PM20D2: variants seen among roughly 807,000 people sequenced by gnomAD.
PM20D2 encodes xaa-Arg dipeptidase.
A neutral mutation model predicts 42.9 loss-of-function variants in PM20D2; 33 were observed. The ratio of observed to expected loss-of-function variants is 0.77; its 90% CI spans 0.58 to 1.03. The LOEUF (loss-of-function observed/expected upper bound fraction) is 1.03. Ranked by LOEUF, PM20D2 falls within the 50% of genes least tolerant of loss-of-function variation. The pLI is 0.00. For missense variants in PM20D2, 548 were observed against 557.0 expected (o/e 0.98, Z 0.16); for synonymous variants, 250 against 228.2 (o/e 1.10, Z -0.86).
In PM20D2 at chr6:89,146,263, C is replaced by T. The variant is rs1362586960; in HGVS notation, c.119C>T (p.Ala40Val). The T allele has an allele frequency of 1.3e-6, 2 of 1,580,072 alleles. No individual in the cohort carries two copies. The highest frequency in any genetic ancestry group is 1.7e-6 in the Non-Finnish European group (2 of 1,171,206). Residue 40 changes from alanine to valine, a missense_variant, in exon 1 of 7, where the codon GCC becomes GTC. Coordinates refer to ENST00000275072, the MANE Select transcript of PM20D2 (RefSeq NM_001010853.3). The part of the protein sequence containing the change: ...CIDEAAERLG[A>V]LSRAIWSQPE... ...GACGAGGCGGCCGAGCGGCTGGGGGCCCTGAGCCGCGCGATCTGGAGCCAG... is the reference window on the plus strand; with the variant it reads ...GACGAGGCGGCCGAGCGGCTGGGGGTCCTGAGCCGCGCGATCTGGAGCCAG...
intron 2 of PM20D2, among the ~76,000 whole-genome samples, chr6:89,150,493 C>G (rs535856369): frequency 6.7e-6 from 1 of 149,444 alleles, no homozygotes; most frequent in African/African-American, 2.5e-5. Flanking sequence ...CAGACCTTCT[C>G]CTAGTATCTG....
At chr6:89,117,681 CTCCCCA>C in the PM20D2 span, 1 of 781,946 alleles carries the variant, frequency 1.3e-6, no homozygotes, top group Non-Finnish European at 1.8e-6. Context: ...GGGCTCACAC[CTCCCCA>C]AGTGGCGCAG....
the PM20D2 span, among the ~76,000 whole-genome samples, chr6:89,119,664 C>T: frequency 6.6e-6 from 1 of 152,194 alleles, no homozygotes; most frequent in Non-Finnish European, 1.5e-5. Flanking sequence ...CAGGTGTCCG[C>T]AGGGCCATCA....
rs371756808 is a variant in PM20D2 at position 89,151,373 on chromosome 6, G to A, written c.615-1670G>A. Reference sequence around the variant, plus strand: ...GCCTCCCATGGACCTGGAATTACAGGCAAGCACCACCACACCCAGCTAATT... The same window carrying A: ...GCCTCCCATGGACCTGGAATTACAGACAAGCACCACCACACCCAGCTAATT... On this transcript the variant is annotated intron_variant, in intron 2 of 6. Coordinates refer to ENST00000275072, the MANE Select transcript of PM20D2 (RefSeq NM_001010853.3). Among the ~76,000 whole-genome samples the A allele has an allele frequency of 7.9e-5, 12 of 151,998 alleles. 1 individual carries two copies. The highest frequency in any genetic ancestry group is 3.9e-4 in the Admixed American group (6 of 15,274).
intron 5 of PM20D2, among the ~76,000 whole-genome samples, chr6:89,160,327 A>G (rs574525063): frequency 1.7e-3 from 258 of 152,350 alleles, no homozygotes; most frequent in Non-Finnish European, 2.4e-3. Flanking sequence ...TTTAATACCC[A>G]TAAGCCTTGG....
At chr6:89,134,433 T>G in the PM20D2 span, among the ~76,000 whole-genome samples, 1 of 151,230 alleles carries the variant, frequency 6.6e-6, no homozygotes, top group Admixed American at 6.5e-5. Flanking sequence ...CCCACCATCC[T>G]GACTGAACCC....
chr6:89,125,352 C>T, the PM20D2 span, among the ~76,000 whole-genome samples: 10 of 152,014 alleles, frequency 6.6e-5, no homozygotes, highest in African/African-American at 1.7e-4. Context: ...TGGTGGCAGG[C>T]GCCTGTAGTC....
At chr6:89,100,202 A>C in the PM20D2 span, among the ~76,000 whole-genome samples, 1 of 152,170 alleles carries the variant, frequency 6.6e-6, no homozygotes, top group African/African-American at 2.4e-5. Flanking sequence ...ACCAGCAAAA[A>C]ACCGGAATTC....
the PM20D2 span, among the ~76,000 whole-genome samples, chr6:89,114,574 A>G: frequency 6.6e-6 from 1 of 151,966 alleles, no homozygotes; most frequent in Non-Finnish European, 1.5e-5. Flanking sequence ...ATAATCTTGT[A>G]GATTTTGATT....
rs1298146979 is a variant in PM20D2 at position 89,162,090 on chromosome 6, T to C, written c.1157-19T>C. The C allele has an allele frequency of 1.9e-6, 3 of 1,592,876 alleles. No individual in the cohort carries two copies. The highest frequency in any genetic ancestry group is 2.6e-6 in the Non-Finnish European group (3 of 1,172,588). ...AGCTTAAATAAGTAAGGAGGTATTT[T>C]ATTTTCTCTACCTTTTAGGGTCACA... On this transcript the variant is annotated intron_variant, in intron 6 of 6. Coordinates refer to ENST00000275072, the MANE Select transcript of PM20D2 (RefSeq NM_001010853.3).
At chr6:89,105,181 T>C in the PM20D2 span, 1 of 1,612,624 alleles carries the variant, frequency 6.2e-7, no homozygotes, top group Non-Finnish European at 8.5e-7. Context: ...TTCGAGTTCT[T>C]CTTTGGCTGG....
intron 2 of PM20D2, among the ~76,000 whole-genome samples, chr6:89,150,421 A>C (rs1268442374): frequency 2.7e-5 from 4 of 150,056 alleles, no homozygotes; most frequent in Admixed American, 2.7e-4. Flanking sequence ...GCAGCTCATT[A>C]CCCTTCTGGG....
the PM20D2 span, among the ~76,000 whole-genome samples, chr6:89,100,303 C>T: frequency 6.6e-6 from 1 of 152,142 alleles, no homozygotes; most frequent in Non-Finnish European, 1.5e-5. Context: ...CAATGAGGAA[C>T]ATTAGGTAAC....
the PM20D2 span, among the ~76,000 whole-genome samples, chr6:89,113,705 G>A: frequency 0.063 from 9,545 of 152,146 alleles, 869 homozygotes; most frequent in African/African-American, 0.2. Flanking sequence ...GTGCAGTGGT[G>A]CCATCTTGAC....
At chr6:89,137,072 A>G in the PM20D2 span, among the ~76,000 whole-genome samples, 1 of 151,260 alleles carries the variant, frequency 6.6e-6, no homozygotes, top group African/African-American at 2.5e-5. Context: ...TCCTTTATAC[A>G]CAGTTCTCAA....
the PM20D2 span, among the ~76,000 whole-genome samples, chr6:89,101,681 G>C: frequency 8.0e-5 from 12 of 149,574 alleles, no homozygotes; most frequent in South Asian, 2.6e-3. Context: ...CCAGGTGACA[G>C]AGTGAGACTC....
chr6:89,095,068 G>A, the PM20D2 span, among the ~76,000 whole-genome samples: 3 of 152,166 alleles, frequency 2.0e-5, no homozygotes, highest in Admixed American at 6.5e-5. Context: ...TCGCTTTACA[G>A]AGCCTAGACC....
At chr6:89,112,494 T>C in the PM20D2 span, among the ~76,000 whole-genome samples, 1 of 150,660 alleles carries the variant, frequency 6.6e-6, no homozygotes, top group African/African-American at 2.4e-5. Flanking sequence ...TTGCCCAGGC[T>C]GCAGTGCAGT....
In PM20D2 at chr6:89,153,189, T is replaced by G. The variant is rs982494243; in HGVS notation, c.757+4T>G. 6.3e-7 allele frequency: 1 copy of G among 1,585,746 alleles called. No individual in the cohort carries two copies. The highest frequency in any genetic ancestry group is 8.6e-7 in the Non-Finnish European group (1 of 1,167,486). On this transcript the variant is annotated splice_donor_region_variant and intron_variant, in intron 3 of 6. Transcript: ENST00000275072. The stretch of plus-strand genomic sequence containing the variant: ...AAACCAACCTGGAGAGTTCATGGTA[T>G]GAATGTCAAATACCTTCTATAATAG...
Sources: allele counts gnomAD v4.1 joint callset (sites outside exome capture counted in the v4.1 genomes callset), GRCh38; gene constraint gnomAD v4.1.1; transcripts MANE v1.5; gene names NCBI Gene and HGNC (gene_info 2026-07-23, HGNC 2026-07-21).